Variants in TAOK1 observed in about 807,000 individuals in gnomAD.
TAOK1 encodes TAO kinase 1, also known as serine/threonine-protein kinase TAO1.
TAOK1 carries 21 observed loss-of-function variants against 138.3 expected under a neutral mutation model. That is an observed-to-expected ratio of 0.15 (90% CI 0.11 to 0.22). The LOEUF (loss-of-function observed/expected upper bound fraction) is 0.22. Among genes scored for constraint, TAOK1 ranks in the 10% least tolerant of loss-of-function variants. The pLI is 1.00. For synonymous variants in TAOK1, 361 were observed against 398.4 expected (o/e 0.91, Z 1.12); for missense variants, 651 against 1,227.7 (o/e 0.53, Z 7.02).
chr17:29,540,058 A>G (rs760279132), intron 19 of TAOK1, among the ~76,000 whole-genome samples: 1 of 152,210 alleles, frequency 6.6e-6, no homozygotes, highest in Non-Finnish European at 1.5e-5. Context: ...TTAACCAGAA[A>G]CACAAGGAAT....
At chr17:29,520,050 G>A (rs919562882) in intron 16 of TAOK1, among the ~76,000 whole-genome samples, 1 of 151,912 alleles carries the variant, frequency 6.6e-6, no homozygotes, top group African/African-American at 2.4e-5. Flanking sequence ...GTGTGGTGGT[G>A]CATGCCTGTA....
chr17:29,548,337 C>T lies in TAOK1; in HGVS notation c.*5315C>T, dbSNP rs774931254. On this transcript the variant is annotated 3_prime_UTR_variant, in exon 20 of 20. Coordinates refer to ENST00000261716, the MANE Select transcript of TAOK1 (RefSeq NM_020791.4). ...AAGGCAGAGAATTAAAACTGGGGAG[C>T]CATTTACTATGTCACCATCACTGTT... The T allele has an allele frequency of 2.6e-5, 4 of 152,008 alleles. No individual in the cohort carries two copies. Among genetic ancestry groups the T allele is most frequent in the African/African-American group, 9.7e-5 (4 of 41,404 alleles). The allele number at this position is 152,008 out of a possible 1,614,324, so 9.4% of individuals were successfully genotyped here.
intron 15 of TAOK1, chr17:29,513,311 T>C (rs919674782): frequency 6.6e-6 from 1 of 152,098 alleles, no homozygotes; most frequent in Non-Finnish European, 1.5e-5. Flanking sequence ...ATGGTATAAT[T>C]TGCAGTATAC....
At chr17:29,456,478 A>G (rs1248492039) in intron 2 of TAOK1, among the ~76,000 whole-genome samples, 1 of 149,912 alleles carries the variant, frequency 6.7e-6, no homozygotes, top group Non-Finnish European at 1.5e-5. Context: ...GAGATTTTCG[A>G]TTTTCTTGAG....
At chr17:29,519,452 G>A (rs1200774950) in intron 16 of TAOK1, among the ~76,000 whole-genome samples, 1 of 151,962 alleles carries the variant, frequency 6.6e-6, no homozygotes, top group Non-Finnish European at 1.5e-5. Context: ...CCAAGAGGCG[G>A]AGGTTGCAGT....
In TAOK1 at chr17:29,545,742, T is replaced by C. The variant is rs2032392224; in HGVS notation, c.*2720T>C. The C allele has an allele frequency of 6.6e-6, 1 of 152,164 alleles. No homozygotes were observed. Among genetic ancestry groups the C allele is most frequent in the Non-Finnish European group, 1.5e-5 (1 of 67,996 alleles). The allele number at this position is 152,164 out of a possible 1,614,324, so 9.4% of individuals were successfully genotyped here. A position where few individuals can be genotyped will look rare whatever the true frequency, so the allele number is the denominator to read the frequency against. On this transcript the variant is annotated 3_prime_UTR_variant, in exon 20 of 20. Coordinates refer to ENST00000261716, the MANE Select transcript of TAOK1 (RefSeq NM_020791.4). The stretch of plus-strand genomic sequence containing the variant: ...CAGAAAAATTGGAAGGGTTTTGAGA[T>C]ATCCTAGAGAAAGAGCAAGCACTTT...
intron 9 of TAOK1, among the ~76,000 whole-genome samples, chr17:29,491,056 A>G (rs908170428): frequency 1.3e-4 from 20 of 152,350 alleles, no homozygotes; most frequent in Middle Eastern, 3.4e-3. Flanking sequence ...GTTGATACAT[A>G]TAAGTAAAAA....
intron 13 of TAOK1, among the ~76,000 whole-genome samples, chr17:29,504,324 AAGAAAAGAAGAGAGAG>A (rs2031590155): frequency 6.6e-6 from 1 of 150,788 alleles, no homozygotes; most frequent in Non-Finnish European, 1.5e-5. Flanking sequence ...AAAAGAAAGA[AAGAAAAGAAGAGAGAG>A]AGAAAAGAAA....
At chr17:29,490,618 CTACTT>C (rs1219093374) in intron 9 of TAOK1, among the ~76,000 whole-genome samples, 1 of 152,104 alleles carries the variant, frequency 6.6e-6, no homozygotes, top group African/African-American at 2.4e-5. Flanking sequence ...CTATATAACT[CTACTT>C]TGTGTTTAGA....
chr17:29,428,925 G>C (rs1029309246), intron 1 of TAOK1, among the ~76,000 whole-genome samples: 1 of 151,924 alleles, frequency 6.6e-6, no homozygotes, highest in African/African-American at 2.4e-5. Context: ...GAGCCACTGC[G>C]CCCACCCCAG....
At chr17:29,482,988 G>A (rs535541464) in intron 8 of TAOK1, among the ~76,000 whole-genome samples, 5 of 152,272 alleles carry the variant, frequency 3.3e-5, no homozygotes, top group African/African-American at 9.6e-5. Flanking sequence ...GATGCTGGCC[G>A]TCTTCTTGCT....
intron 1 of TAOK1, among the ~76,000 whole-genome samples, chr17:29,392,271 A>C (rs1437087969): frequency 6.6e-6 from 1 of 152,138 alleles, no homozygotes; most frequent in Non-Finnish European, 1.5e-5. Context: ...GATTCAGGGC[A>C]TTTCTCCCTA....
chr17:29,510,887 G>A lies in TAOK1; in HGVS notation c.1599G>A (p.Glu533=). ...EKEAKVMSNE[E]KKFQQHIQAQ... ...AGGCTAAAGTGATGTCCAATGAAGA[G>A]AAAAAATTTCAGCAACATATTCAGG... The change falls in exon 15 of 20, where the codon GAG becomes GAA. Residue 533 remains glutamate (E), a synonymous_variant. Coordinates refer to ENST00000261716, the MANE Select transcript of TAOK1 (RefSeq NM_020791.4). 1 of 1,603,138 alleles carries A rather than the reference G, an allele frequency of 6.2e-7. No individual in the cohort carries two copies. Among genetic ancestry groups the A allele is most frequent in the South Asian group, 1.1e-5 (1 of 88,442 alleles).
rs1262459269 is a variant in TAOK1, at chr17:29,457,116, CAG to C, written c.132+5439_132+5440del. ...TTTTTTTTTTTTTTTTTTTTTGAGA[CAG>C]AGTCTCACTCTGTCTCTGTCTCCCA... On this transcript the variant is annotated intron_variant, in intron 2 of 19. Transcript: ENST00000261716. Among the ~76,000 whole-genome samples the C allele has an allele frequency of 3.0e-5, 3 of 101,348 alleles. 1 individual carries two copies. Among genetic ancestry groups the C allele is most frequent in the African/African-American group, 1.3e-4 (3 of 23,658 alleles). The allele number at this position is 101,348 out of a possible 152,430, so 66.5% of individuals were successfully genotyped here.
chr17:29,429,364 C>T (rs1905754301), intron 1 of TAOK1, among the ~76,000 whole-genome samples: 1 of 152,008 alleles, frequency 6.6e-6, no homozygotes, highest in Non-Finnish European at 1.5e-5. Context: ...CACCCTCCAT[C>T]TCCTGGGTTC....
intron 6 of TAOK1, among the ~76,000 whole-genome samples, chr17:29,478,611 G>C (rs1567729630): frequency 6.6e-6 from 1 of 152,072 alleles, no homozygotes; most frequent in African/African-American, 2.4e-5. Context: ...TTTAGCTATA[G>C]AATCATTTAA....
At chr17:29,427,865 G>A (rs1024564471) in intron 1 of TAOK1, among the ~76,000 whole-genome samples, 11 of 150,192 alleles carry the variant, frequency 7.3e-5, no homozygotes, top group African/African-American at 1.2e-4. Flanking sequence ...GGCGGAGGTT[G>A]CAGTGAGCCG....
chr17:29,446,795 A>G lies in TAOK1; in HGVS notation c.-94-4660A>G, dbSNP rs374324191. ...CCCTTGTTTCCCAGGCTGGAGTACA[A>G]TGGCACAATCTCAGCTCACTGCAGC... On this transcript the variant is annotated intron_variant, in intron 1 of 19. Coordinates refer to ENST00000261716, the MANE Select transcript of TAOK1 (RefSeq NM_020791.4). Among the ~76,000 whole-genome samples the G allele has an allele frequency of 1.8e-4, 27 of 147,360 alleles. No homozygotes were observed. The South Asian group carries it at 3.4e-3, about 19-fold the overall frequency.
At chr17:29,456,705 A>G (rs760251631) in intron 2 of TAOK1, among the ~76,000 whole-genome samples, 1 of 150,594 alleles carries the variant, frequency 6.6e-6, no homozygotes, top group Admixed American at 6.6e-5. Context: ...CTCAACCTAT[A>G]ATGTTCTCAT....
Sources: gnomAD v4.1 joint callset for allele counts (sites outside exome capture counted in the v4.1 genomes callset) on GRCh38, gnomAD v4.1.1 for gene constraint, MANE v1.5 for transcripts, NCBI Gene and HGNC (gene_info 2026-07-23, HGNC 2026-07-21) for gene names.